MTG1: variants seen among roughly 807,000 people sequenced by gnomAD.
MTG1 encodes mitochondrial ribosome associated GTPase 1.
In MTG1, 30 loss-of-function variants were observed where a neutral mutation model predicts 39.5. That is an observed-to-expected ratio of 0.76 (90% CI 0.57 to 1.03). MTG1 has a LOEUF of 1.03. MTG1 is among the 50% of genes least tolerant of loss of function. The pLI is 0.00. For missense variants in MTG1, 513 were observed against 447.4 expected (o/e 1.15, Z -1.32); for synonymous variants, 217 against 179.0 (o/e 1.21, Z -1.69).
At position 133,395,707 on chromosome 10, in the gene MTG1, T is replaced by C. The variant is rs1849771867; in HGVS notation, c.113-6T>C. The C allele has an allele frequency of 6.2e-7, 1 of 1,614,002 alleles. No homozygotes were observed. Among genetic ancestry groups the C allele is most frequent in the Non-Finnish European group, 8.5e-7 (1 of 1,179,948 alleles). On this transcript the variant is annotated splice_polypyrimidine_tract_variant and splice_region_variant and intron_variant, in intron 1 of 10. Transcript: ENST00000317502. The stretch of plus-strand genomic sequence containing the variant: ...CCCTTCGCTGAGGCGTCCTTCTGTT[T>C]TCCAGGGCTGAAGAAGATGCAGAGC...
intron 9 of MTG1, among the ~76,000 whole-genome samples, chr10:133,414,858 C>T (rs1850098483): frequency 1.3e-5 from 2 of 152,258 alleles, no homozygotes; most frequent in Admixed American, 1.3e-4. Context: ...CACACCACTG[C>T]ACTCCAGCCT....
rs1266038455 is a variant in MTG1, at chr10:133,395,698, C to T, written c.113-15C>T. ...GTTGTGAGCCCCTTCGCTGAGGCGT[C>T]CTTCTGTTTTCCAGGGCTGAAGAAG... On this transcript the variant is annotated splice_polypyrimidine_tract_variant and intron_variant, in intron 1 of 10. Transcript: ENST00000317502. 1 of 1,613,716 alleles carries T rather than the reference C, an allele frequency of 6.2e-7. No homozygotes were observed.
intron 9 of MTG1, among the ~76,000 whole-genome samples, chr10:133,415,178 G>A (rs370384092): frequency 6.6e-6 from 1 of 151,940 alleles, no homozygotes; most frequent in African/African-American, 2.4e-5. Context: ...GAGGGAGACC[G>A]TGGAGAGGGA....
chr10:133,418,429 C>T (rs1850168605), intron 9 of MTG1, among the ~76,000 whole-genome samples: 1 of 151,644 alleles, frequency 6.6e-6, no homozygotes, highest in South Asian at 2.1e-4. Flanking sequence ...TTCAGGAGTT[C>T]TTCCCATTGG....
At chr10:133,409,313 C>A (rs945683909) in intron 9 of MTG1, among the ~76,000 whole-genome samples, 1 of 152,074 alleles carries the variant, frequency 6.6e-6, no homozygotes, top group Non-Finnish European at 1.5e-5. Context: ...CATTCAGGAG[C>A]GTGTTGTTTA....
chr10:133,398,133 CTTG>C (rs1849816084), intron 3 of MTG1, among the ~76,000 whole-genome samples: 1 of 152,182 alleles, frequency 6.6e-6, no homozygotes, highest in African/African-American at 2.4e-5. Flanking sequence ...CAGTGAAGGA[CTTG>C]TTGATTTAAA....
chr10:133,408,156 G>A (rs1056626207), intron 9 of MTG1, among the ~76,000 whole-genome samples: 1 of 152,208 alleles, frequency 6.6e-6, no homozygotes, highest in Non-Finnish European at 1.5e-5. Flanking sequence ...AGATCTTGGA[G>A]AAAAGCTGTT....
intron 9 of MTG1, among the ~76,000 whole-genome samples, chr10:133,416,425 T>A (rs898684327): frequency 2.0e-5 from 3 of 151,538 alleles, no homozygotes; most frequent in Non-Finnish European, 4.4e-5. Flanking sequence ...TATTATACTT[T>A]AAGTTTTAGG....
At chr10:133,413,793 C>T (rs560199587) in intron 9 of MTG1, among the ~76,000 whole-genome samples, 5 of 152,214 alleles carry the variant, frequency 3.3e-5, no homozygotes, top group Admixed American at 2.6e-4. Flanking sequence ...TTATAACCTC[C>T]AGATATACTT....
chr10:133,396,595 A>G (rs1235980449), intron 3 of MTG1, among the ~76,000 whole-genome samples: 1 of 152,256 alleles, frequency 6.6e-6, no homozygotes, highest in Non-Finnish European at 1.5e-5. Flanking sequence ...GACCGAGGAC[A>G]CGAGCTTTTC....
In MTG1 at chr10:133,396,278, TTCTC is replaced by T; in HGVS notation, c.282+14_282+17del. ...CTTACAGAGCAGCAGGTAAAGGCCTTTCTCTCAGACGCCTTCAGCAGTGTGGCTG... is the reference window on the plus strand; with the variant it reads ...CTTACAGAGCAGCAGGTAAAGGCCTTTCAGACGCCTTCAGCAGTGTGGCTG... On this transcript the variant is annotated intron_variant, in intron 3 of 10. Coordinates refer to ENST00000317502, the MANE Select transcript of MTG1 (RefSeq NM_138384.4). 6.2e-7 allele frequency: 1 copy of T among 1,608,026 alleles called. No individual in the cohort carries two copies. Among genetic ancestry groups the T allele is most frequent in the Non-Finnish European group, 8.5e-7 (1 of 1,174,690 alleles).
intron 9 of MTG1, among the ~76,000 whole-genome samples, chr10:133,416,729 G>T (rs1243032328): frequency 6.8e-6 from 1 of 146,124 alleles, no homozygotes; most frequent in East Asian, 2.0e-4. Context: ...CAAAGGACAT[G>T]AACTCATCAT....
At chr10:133,408,001 G>C (rs2133504621) in intron 9 of MTG1, among the ~76,000 whole-genome samples, 1 of 152,266 alleles carries the variant, frequency 6.6e-6, no homozygotes, top group East Asian at 1.9e-4. Context: ...ATATAAGATT[G>C]TCATCTGTGA....
chr10:133,394,372 C>T lies in MTG1; in HGVS notation c.112+40C>T, dbSNP rs146847098. The T allele has an allele frequency of 9.5e-3, 13,470 of 1,421,188 alleles. 95 individuals are homozygous for T. The highest frequency in any genetic ancestry group is 0.038 in the Middle Eastern group (184 of 4,870). 88.0% of individuals were successfully genotyped at this position (1,421,188 alleles called of 1,614,324 possible). ...GGAGGGGCAAGGTCATGCCTACGGCCGCGGCGCCTCTGCTTCCCTCCCACC... is the reference window on the plus strand; with the variant it reads ...GGAGGGGCAAGGTCATGCCTACGGCTGCGGCGCCTCTGCTTCCCTCCCACC... On this transcript the variant is annotated intron_variant, in intron 1 of 10. Transcript: ENST00000317502.
intron 9 of MTG1, among the ~76,000 whole-genome samples, chr10:133,418,120 T>C (rs542451108): frequency 9.8e-5 from 15 of 152,298 alleles, no homozygotes; most frequent in South Asian, 4.1e-4. Flanking sequence ...TCTCCCGCCT[T>C]AGCCTCCCAA....
intron 9 of MTG1, among the ~76,000 whole-genome samples, chr10:133,407,423 A>C (rs980954516): frequency 5.3e-5 from 8 of 152,132 alleles, no homozygotes; most frequent in Non-Finnish European, 8.8e-5. Flanking sequence ...TAAGCATGGA[A>C]TATCTTTCCA....
At chr10:133,401,487 G>C in intron 6 of MTG1, 42 bp from the exon 7 acceptor site, 1 of 1,509,808 alleles carries the variant, frequency 6.6e-7, no homozygotes, top group Non-Finnish European at 8.9e-7. Flanking sequence ...CAGCTTCTGT[G>C]TTTAGTATAC....
intron 3 of MTG1, 38 bp from the exon 4 acceptor site, chr10:133,398,397 G>A (rs1227204382): frequency 5.0e-6 from 8 of 1,600,644 alleles, no homozygotes; most frequent in Non-Finnish European, 6.8e-6. Context: ...CAAGACTCCA[G>A]TAAAAAAAGT....
rs544502154 is a variant in MTG1, at chr10:133,419,541, G to A, written c.814G>A (p.Val272Met). Residue 272 changes from valine (V) to methionine (M), a missense_variant, in exon 10 of 11, where the codon GTG becomes ATG. By Grantham distance (21) the Val-to-Met change is conservative. Transcript: ENST00000317502. ...CAACGTAGAGCGCGTGCTGAAGAGT[G>A]TGGCTGTGAAGCTGGGGAAGACGCA... is the stretch of plus-strand genomic sequence containing the variant. The part of the protein sequence containing the change: ...CDNVERVLKS[V>M]AVKLGKTQKV... 404 of 1,610,816 alleles carry A rather than the reference G, an allele frequency of 2.5e-4. 3 individuals carry two copies. The South Asian group carries it at 4.3e-3, about 17-fold the overall frequency.
Sources: allele counts gnomAD v4.1 joint callset (sites outside exome capture counted in the v4.1 genomes callset), GRCh38; gene constraint gnomAD v4.1.1; transcripts MANE v1.5; gene names NCBI Gene and HGNC (gene_info 2026-07-23, HGNC 2026-07-21).